Variants in SLCO2B1 observed in about 807,000 individuals in gnomAD.
SLCO2B1 encodes the protein solute carrier organic anion transporter family member 2B1.
A neutral mutation model predicts 67.3 loss-of-function variants in SLCO2B1; 41 were observed. The observed-to-expected ratio is 0.61, with a 90% CI of 0.47 to 0.79. SLCO2B1 has a LOEUF of 0.79. SLCO2B1 is among the 30% of genes least tolerant of loss of function. SLCO2B1 has a pLI of 0.00. For missense variants in SLCO2B1, 837 were observed against 920.1 expected (o/e 0.91, Z 1.17); for synonymous variants, 379 against 381.4 (o/e 0.99, Z 0.07).
chr11:75,153,521 C>A (rs971018726), intron 1 of SLCO2B1, among the ~76,000 whole-genome samples: 1 of 152,216 alleles, frequency 6.6e-6, no homozygotes, highest in African/African-American at 2.4e-5. Context: ...TGGAGGCCAG[C>A]CCCCAGGTCT....
chr11:75,182,560 T>C (rs559542377), intron 7 of SLCO2B1, among the ~76,000 whole-genome samples: 3 of 152,262 alleles, frequency 2.0e-5, no homozygotes, highest in African/African-American at 7.2e-5. Flanking sequence ...CTGCCCAACA[T>C]GGTGAAACCC....
chr11:75,202,896 G>T lies in SLCO2B1; in HGVS notation c.1764-5G>T. ...CCTCATGTTGCCCATGTCTCTGCTT[G>T]TTAGAGGAGTGAAGAAAGAAGACAA... On this transcript the variant is annotated splice_region_variant and splice_polypyrimidine_tract_variant and intron_variant, in intron 11 of 13. Coordinates refer to ENST00000289575, the MANE Select transcript of SLCO2B1 (RefSeq NM_007256.5). 1 of 1,613,760 alleles carries T rather than the reference G, an allele frequency of 6.2e-7. No homozygotes were observed. The highest frequency in any genetic ancestry group is 8.5e-7 in the Non-Finnish European group (1 of 1,179,828).
intron 8 of SLCO2B1, among the ~76,000 whole-genome samples, chr11:75,189,356 C>G (rs747054928): frequency 1.3e-5 from 2 of 152,140 alleles, no homozygotes; most frequent in Non-Finnish European, 2.9e-5. Flanking sequence ...GTTTCCTCAT[C>G]TGGAAGATTG....
intron 1 of SLCO2B1, among the ~76,000 whole-genome samples, chr11:75,157,963 A>G (rs1949766986): frequency 6.6e-6 from 1 of 152,154 alleles, no homozygotes; most frequent in Admixed American, 6.5e-5. Context: ...AATTTATTTA[A>G]TATAAGTTTT....
intron 10 of SLCO2B1, among the ~76,000 whole-genome samples, chr11:75,198,922 A>G (rs1945142196): frequency 1.3e-5 from 2 of 152,120 alleles, no homozygotes; most frequent in Admixed American, 1.3e-4. Flanking sequence ...CATAAGAAAA[A>G]CTTCCTGCCA....
intron 1 of SLCO2B1, among the ~76,000 whole-genome samples, chr11:75,153,197 G>T (rs1424847966): frequency 6.6e-6 from 1 of 152,206 alleles, no homozygotes. Flanking sequence ...CCTCCAGGAA[G>T]CCGTTCCAGA....
chr11:75,173,217 T>C (rs891087901), intron 7 of SLCO2B1, among the ~76,000 whole-genome samples: 1 of 152,134 alleles, frequency 6.6e-6, no homozygotes, highest in African/African-American at 2.4e-5. Flanking sequence ...GAATGTGCCA[T>C]AGGAATGTTA....
intron 7 of SLCO2B1, among the ~76,000 whole-genome samples, chr11:75,179,839 C>A (rs1173243718): frequency 6.9e-6 from 1 of 145,792 alleles, no homozygotes; most frequent in African/African-American, 2.5e-5. Context: ...CGAGTTAAAG[C>A]AATTCTCCTG....
chr11:75,173,679 A>G (rs963419112), intron 7 of SLCO2B1, among the ~76,000 whole-genome samples: 3 of 152,216 alleles, frequency 2.0e-5, no homozygotes, highest in Non-Finnish European at 4.4e-5. Flanking sequence ...CATGTGAGCC[A>G]CCAGGCAGGA....
chr11:75,164,068 C>T lies in SLCO2B1; in HGVS notation c.253C>T (p.Gln85Ter), dbSNP rs1949856959. ...TVEKRFGLSSQTSGLLASFNE... is the reference protein window; with the variant it reads ...TVEKRFGLSS The stretch of plus-strand genomic sequence containing the variant: ...GGAGAAGCGCTTCGGCCTCTCCAGC[C>T]AGACGTCGGGGCTGCTGGCCTCCTT... The change falls in exon 3 of 14, where the codon CAG becomes TAG. Residue 85 changes from glutamine to a stop codon, truncating the protein, a stop_gained. Coordinates refer to ENST00000289575, the MANE Select transcript of SLCO2B1 (RefSeq NM_007256.5). LOFTEE classifies it high-confidence loss of function. 1 of 1,608,728 alleles carries T rather than the reference C, an allele frequency of 6.2e-7. No homozygotes were observed. Among genetic ancestry groups the T allele is most frequent in the Admixed American group, 1.7e-5 (1 of 59,440 alleles).
chr11:75,186,704 C>A (rs2140330848), intron 7 of SLCO2B1, among the ~76,000 whole-genome samples: 1 of 152,214 alleles, frequency 6.6e-6, no homozygotes, highest in South Asian at 2.1e-4. Context: ...CTGACCTCAG[C>A]CTACATAGCA....
intron 10 of SLCO2B1, among the ~76,000 whole-genome samples, chr11:75,198,172 G>A (rs147350757): frequency 1.3e-5 from 2 of 152,318 alleles, no homozygotes; most frequent in East Asian, 3.9e-4. Context: ...GGGCCTGAGA[G>A]CCCTTCCAGA....
chr11:75,187,346 G>A (rs1176912827), intron 7 of SLCO2B1, among the ~76,000 whole-genome samples: 1 of 152,224 alleles, frequency 6.6e-6, no homozygotes, highest in Non-Finnish European at 1.5e-5. Flanking sequence ...TTCCCACCCA[G>A]GTGGAGGGAC....
intron 3 of SLCO2B1, 146 bp from the exon 4 acceptor site, chr11:75,165,641 G>A (rs1949879695): frequency 8.5e-6 from 8 of 942,130 alleles, no homozygotes; most frequent in Non-Finnish European, 1.3e-5. Flanking sequence ...CCCTTCCGAG[G>A]GGGACCCAGG....
chr11:75,194,066 C>T (rs1945066674), intron 9 of SLCO2B1, among the ~76,000 whole-genome samples: 1 of 152,182 alleles, frequency 6.6e-6, no homozygotes, highest in Non-Finnish European at 1.5e-5. Context: ...GACTCAGGCA[C>T]TGGGAAAAGA....
Position 75,202,585 on chromosome 11 carries a change from G to A in SLCO2B1, c.1764-316G>A. 8 of 354,440 alleles carry A rather than the reference G, an allele frequency of 2.3e-5. No homozygotes were observed. In the South Asian group the frequency reaches 3.6e-4, roughly 16 times the overall value. The allele number at this position is 354,440 out of a possible 1,614,324, so 22.0% of individuals were successfully genotyped here. ...GTCCCAGCTCCAGGTCTTGCCAACT[G>A]TAGGAGTAAGGGGAGAATTTGATGG... On this transcript the variant is annotated intron_variant, in intron 11 of 13. Transcript: ENST00000289575.
chr11:75,204,638 T>A lies in SLCO2B1; in HGVS notation c.*58T>A. 6.8e-7 allele frequency: 1 copy of A among 1,481,146 alleles called. No homozygotes were observed. Among genetic ancestry groups the A allele is most frequent in the South Asian group, 1.4e-5 (1 of 71,242 alleles). 91.8% of individuals were successfully genotyped at this position (1,481,146 alleles called of 1,614,324 possible). ...CAGCCACAGCAGTACCTCCTCTGAG[T>A]CCTTTGCCCAAGATTGGGTGTCAAG... On this transcript the variant is annotated 3_prime_UTR_variant, in exon 14 of 14. Coordinates refer to ENST00000289575, the MANE Select transcript of SLCO2B1 (RefSeq NM_007256.5).
At chr11:75,197,896 C>T (rs1447897888) in intron 10 of SLCO2B1, among the ~76,000 whole-genome samples, 1 of 152,164 alleles carries the variant, frequency 6.6e-6, no homozygotes, top group African/African-American at 2.4e-5. Context: ...TTCCTCAGTT[C>T]CCCAAAATGA....
chr11:75,161,532 G>A (rs960233066), intron 1 of SLCO2B1, among the ~76,000 whole-genome samples: 1 of 152,192 alleles, frequency 6.6e-6, no homozygotes, highest in African/African-American at 2.4e-5. Flanking sequence ...CAGGGCCTCC[G>A]TAGCCCCCTC....
Sources: allele counts gnomAD v4.1 joint callset (sites outside exome capture counted in the v4.1 genomes callset), GRCh38; gene constraint gnomAD v4.1.1; transcripts MANE v1.5; gene names NCBI Gene and HGNC (gene_info 2026-07-23, HGNC 2026-07-21).